The following LUC7L3 variants were observed in gnomAD, a reference collection of about 807,000 sequenced individuals.
LUC7L3 encodes the protein luc7-like protein 3.
In LUC7L3, 6 loss-of-function variants were observed where a neutral mutation model predicts 66.8. That is an observed-to-expected ratio of 0.09 (90% CI 0.05 to 0.18). The LOEUF is 0.18. Among genes scored for constraint, LUC7L3 ranks in the 10% least tolerant of loss-of-function variants. The pLI, the probability that LUC7L3 is intolerant of heterozygous loss-of-function variation, is 1.00. For synonymous variants in LUC7L3, 160 were observed against 174.7 expected (o/e 0.92, Z 0.66); for missense variants, 341 against 531.1 (o/e 0.64, Z 3.52).
chr17:50,750,667 A>AGG lies in LUC7L3; in HGVS notation c.*6_*7insGG. ...GTGACACTCAGTCCAATTAAAACTG[A>AGG]TCTGATAAGACCTCAGATCAGACAG... On this transcript the variant is annotated 3_prime_UTR_variant, in exon 10 of 10. Transcript: ENST00000505658. 1 of 1,614,088 alleles carries AGG rather than the reference A, an allele frequency of 6.2e-7. No individual in the cohort carries two copies. Among genetic ancestry groups the AGG allele is most frequent in the Non-Finnish European group, 8.5e-7 (1 of 1,179,994 alleles).
At chr17:50,732,994 G>C (rs148835260) in intron 1 of LUC7L3, among the ~76,000 whole-genome samples, 1 of 152,212 alleles carries the variant, frequency 6.6e-6, no homozygotes, top group Non-Finnish European at 1.5e-5. Flanking sequence ...AGGGACTGTA[G>C]AGATGTGTTT....
chr17:50,735,843 C>G (rs1969950158), intron 1 of LUC7L3, among the ~76,000 whole-genome samples: 1 of 152,244 alleles, frequency 6.6e-6, no homozygotes, highest in South Asian at 2.1e-4. Flanking sequence ...CATTAATAAT[C>G]TCCCCAGAGC....
intron 1 of LUC7L3, among the ~76,000 whole-genome samples, chr17:50,729,912 A>T (rs1343233204): frequency 3.6e-5 from 1 of 27,798 alleles, no homozygotes; most frequent in Non-Finnish European, 7.1e-5. Context: ...ATATATATAT[A>T]TATATATATA....
At chr17:50,723,844 A>T (rs1172675464) in intron 1 of LUC7L3, 1 of 372,506 alleles carries the variant, frequency 2.7e-6, no homozygotes, top group East Asian at 9.3e-5. Context: ...CATATTGGCC[A>T]GGCTGGTCTT....
At chr17:50,750,146 ACCT>A (rs1236840893) in intron 9 of LUC7L3, among the ~76,000 whole-genome samples, 1 of 152,064 alleles carries the variant, frequency 6.6e-6, no homozygotes, top group African/African-American at 2.4e-5. Context: ...TAATAATTGA[ACCT>A]CATGTGAACA....
intron 7 of LUC7L3, 139 bp downstream of exon 7, chr17:50,744,952 C>T (rs1014942467): frequency 7.2e-5 from 45 of 622,580 alleles, no homozygotes; most frequent in African/African-American, 6.9e-4. Flanking sequence ...GCTGGGAGTA[C>T]AGGCATGTGC....
intron 1 of LUC7L3, among the ~76,000 whole-genome samples, chr17:50,726,111 C>T (rs1969163900): frequency 6.6e-6 from 1 of 152,158 alleles, no homozygotes; most frequent in Non-Finnish European, 1.5e-5. Context: ...AAAATTATCC[C>T]TTGGTTCTTG....
intron 2 of LUC7L3, among the ~76,000 whole-genome samples, chr17:50,739,077 C>T (rs560587639): frequency 6.6e-6 from 1 of 152,156 alleles, no homozygotes; most frequent in African/African-American, 2.4e-5. Context: ...GATTTATCTC[C>T]CACGGGCCTT....
At chr17:50,725,574 A>G (rs1329208969) in intron 1 of LUC7L3, among the ~76,000 whole-genome samples, 1 of 152,210 alleles carries the variant, frequency 6.6e-6, no homozygotes, top group African/African-American at 2.4e-5. Flanking sequence ...ATAACAGAAT[A>G]TGATAAATCC....
At chr17:50,748,887 GT>G (rs899360060) in intron 9 of LUC7L3, among the ~76,000 whole-genome samples, 1 of 88,142 alleles carries the variant, frequency 1.1e-5, no homozygotes, top group Non-Finnish European at 2.2e-5. Context: ...TTTAAAAAAT[GT>G]AAAAAAAAAA....
Position 50,752,108 on chromosome 17 carries a change from T to A in LUC7L3, c.*1447T>A. 8.0e-7 allele frequency: 1 copy of A among 1,257,472 alleles called. No individual in the cohort carries two copies. Among genetic ancestry groups the A allele is most frequent in the Non-Finnish European group, 1.0e-6 (1 of 975,348 alleles). The allele number at this position is 1,257,472 out of a possible 1,614,324, so 77.9% of individuals were successfully genotyped here. A position where few individuals can be genotyped will look rare whatever the true frequency, so the allele number is the denominator to read the frequency against. ...AAGCATTCCATGTACACATGTTAAT[T>A]AGCAGTTAGTGACTGGGCCAACACT... On this transcript the variant is annotated 3_prime_UTR_variant, in exon 10 of 10. Transcript: ENST00000505658.
chr17:50,755,806 A>G lies in LUC7L3; in HGVS notation c.*5145A>G, dbSNP rs978965350. 2.6e-5 allele frequency: 4 copies of G among 152,228 alleles called. No homozygotes were observed. The highest frequency in any genetic ancestry group is 9.6e-5 in the African/African-American group (4 of 41,460). 9.4% of individuals were successfully genotyped at this position (152,228 alleles called of 1,614,324 possible). A position where few individuals can be genotyped will look rare whatever the true frequency, so the allele number is the denominator to read the frequency against. On this transcript the variant is annotated 3_prime_UTR_variant, in exon 10 of 10. Coordinates refer to ENST00000505658, the MANE Select transcript of LUC7L3 (RefSeq NM_016424.5). ...GAAGAAAAGAAGAAAAAACCCGGGA[A>G]GATCCCAAGTGTCCACCAACAGTGT...
Position 50,726,501 on chromosome 17 carries a change from G to A in LUC7L3, c.99+6670G>A, listed in dbSNP as rs143728537. 2.2e-3 allele frequency among the ~76,000 whole-genome samples: 337 copies of A among 152,134 alleles called. 7 individuals carry two copies. In the East Asian group the frequency reaches 0.03, roughly 13 times the overall value. ...TACAATACCATGACCTTTGAATAAC[G>A]CCCTGAGACCCATACGAAGTGCAGC... On this transcript the variant is annotated intron_variant, in intron 1 of 9. Coordinates refer to ENST00000505658, the MANE Select transcript of LUC7L3 (RefSeq NM_016424.5).
chr17:50,726,516 C>G (rs889207622), intron 1 of LUC7L3, among the ~76,000 whole-genome samples: 1 of 152,054 alleles, frequency 6.6e-6, no homozygotes, highest in Non-Finnish European at 1.5e-5. Context: ...GAGACCCATA[C>G]GAAGTGCAGC....
chr17:50,737,249 TC>T (rs1401009898), intron 2 of LUC7L3: 20 of 648,240 alleles, frequency 3.1e-5, no homozygotes, highest in Middle Eastern at 4.9e-4. Flanking sequence ...TTCCACTCCC[TC>T]CCAAAACTCC....
intron 2 of LUC7L3, among the ~76,000 whole-genome samples, chr17:50,739,760 A>G (rs977482608): frequency 4.6e-5 from 7 of 152,212 alleles, no homozygotes; most frequent in Non-Finnish European, 1.0e-4. Flanking sequence ...ATAAGCACCA[A>G]GTGTTTATTT....
chr17:50,735,852 G>A (rs896782404), intron 1 of LUC7L3, among the ~76,000 whole-genome samples: 1 of 152,152 alleles, frequency 6.6e-6, no homozygotes, highest in African/African-American at 2.4e-5. Flanking sequence ...TCTCCCCAGA[G>A]CTGGGCACAG....
At chr17:50,726,176 T>A (rs1048129403) in intron 1 of LUC7L3, among the ~76,000 whole-genome samples, 1 of 150,234 alleles carries the variant, frequency 6.7e-6, no homozygotes, top group East Asian at 1.9e-4. Context: ...TTTTGCTTTT[T>A]GTTGTTGTTG....
At chr17:50,730,061 C>T (rs981348221) in intron 1 of LUC7L3, among the ~76,000 whole-genome samples, 6 of 151,060 alleles carry the variant, frequency 4.0e-5, no homozygotes, top group Admixed American at 2.6e-4. Flanking sequence ...TCTAGCAGTC[C>T]TCCCACTGCT....
Sources: allele counts gnomAD v4.1 joint callset (sites outside exome capture counted in the v4.1 genomes callset), GRCh38; gene constraint gnomAD v4.1.1; transcripts MANE v1.5; gene names NCBI Gene and HGNC (gene_info 2026-07-23, HGNC 2026-07-21).